MLXIP: variants seen among roughly 807,000 people sequenced by gnomAD.
MLXIP encodes MLX-interacting protein.
Under a neutral mutation model 87.2 loss-of-function variants are expected in MLXIP, and 30 were observed. The ratio of observed to expected loss-of-function variants is 0.34; its 90% CI spans 0.26 to 0.47. The LOEUF is 0.47. MLXIP is among the 20% of genes least tolerant of loss of function. The pLI, the probability that MLXIP is intolerant of heterozygous loss-of-function variation, is 1.00. For missense variants in MLXIP, 1,002 were observed against 1,240.1 expected, an observed-to-expected ratio of 0.81 and a Z score of 2.88; for synonymous variants, 530 against 514.0, an observed-to-expected ratio of 1.03 and a Z score of -0.42.
chr12:122,138,683 A>T (rs930120497), intron 14 of MLXIP, 132 bp downstream of exon 14: 1 of 1,490,200 alleles, frequency 6.7e-7, no homozygotes, highest in Non-Finnish European at 8.9e-7. Flanking sequence ...CTCTTTGTCA[A>T]CCTCCTTCCA....
chr12:122,105,329 T>A (rs991435960), intron 1 of MLXIP, among the ~76,000 whole-genome samples: 1 of 152,062 alleles, frequency 6.6e-6, no homozygotes, highest in African/African-American at 2.4e-5. Flanking sequence ...GATTTTTTTT[T>A]TATTTAGAAG....
intron 1 of MLXIP, among the ~76,000 whole-genome samples, chr12:122,091,778 G>A (rs907885436): frequency 8.5e-5 from 13 of 152,202 alleles, no homozygotes; most frequent in African/African-American, 2.2e-4. Context: ...GAGTAGTGGA[G>A]ACTGTGGTGG....
At chr12:122,110,967 C>T (rs1219541017) in intron 1 of MLXIP, among the ~76,000 whole-genome samples, 2 of 151,030 alleles carry the variant, frequency 1.3e-5, no homozygotes, top group African/African-American at 4.9e-5. Context: ...GTCCCAGCTA[C>T]TCAGGAGGCT....
intron 1 of MLXIP, among the ~76,000 whole-genome samples, chr12:122,085,085 A>C (rs1459490337): frequency 6.6e-6 from 1 of 152,086 alleles, no homozygotes; most frequent in Non-Finnish European, 1.5e-5. Context: ...TGCAAATGCC[A>C]GTTCCTCTCC....
chr12:122,123,878 C>G (rs1048807240), intron 1 of MLXIP, among the ~76,000 whole-genome samples: 1 of 152,120 alleles, frequency 6.6e-6, no homozygotes, highest in Non-Finnish European at 1.5e-5. Flanking sequence ...ACATTGAGGG[C>G]TTTTCACTGC....
rs567546973 is a variant in MLXIP, at chr12:122,127,384, C to T, written c.520+22C>T. The T allele has an allele frequency of 1.8e-5, 28 of 1,562,090 alleles. 1 individual carries two copies. Among genetic ancestry groups the T allele is most frequent in the South Asian group, 1.4e-4 (12 of 86,156 alleles). On this transcript the variant is annotated intron_variant, in intron 2 of 16. Coordinates refer to ENST00000319080, the MANE Select transcript of MLXIP (RefSeq NM_014938.6). ...CAGTGTAAGTGCCGCCCAGCCTGGG[C>T]GCCGGTGGTGGTCAGAACTTCACGG...
Position 122,133,849 on chromosome 12 carries a change from C to G in MLXIP, c.1594C>G (p.Pro532Ala). The G allele has an allele frequency of 1.2e-6, 2 of 1,612,930 alleles. No individual in the cohort carries two copies. Among genetic ancestry groups the G allele is most frequent in the Non-Finnish European group, 1.7e-6 (2 of 1,179,564 alleles). The change falls in exon 9 of 17, where the codon CCC (proline) becomes GCC (alanine). Residue 532 changes from proline (P) to alanine (A), a missense_variant. Physicochemically the swap from Pro to Ala is conservative, Grantham distance 27. Around this residue, in one of 3 missense-constraint regions of MLXIP, gnomAD observed 746 missense variants for 897.0 expected, o/e 0.83. Transcript: ENST00000319080. This position sits in a 1 kb window ranked among gnomAD's most constrained non-coding sequence, Gnocchi z 4.9. ...GLALSPVTRP[P>A]QPRLTFVHPK... ...GGCACTGTCTCCTGTCACCCGGCCT[C>G]CCCAGCCACGGTTAACTTTTGTGCA...
Position 122,135,315 on chromosome 12 carries a change from C to A in MLXIP, c.1824C>A (p.Asn608Lys), listed in dbSNP as rs761856229. 1 of 1,613,690 alleles carries A rather than the reference C, an allele frequency of 6.2e-7. No individual in the cohort carries two copies. Among genetic ancestry groups the A allele is most frequent in the Non-Finnish European group, 8.5e-7 (1 of 1,179,856 alleles). Residue 608 changes from asparagine (N) to lysine (K), a missense_variant, in exon 10 of 17, where the codon AAC becomes AAA. Physicochemically the swap from Asn to Lys is moderately conservative, Grantham distance 94. This residue lies in a region of MLXIP where 746 missense variants were observed against 897.0 expected (regional missense o/e 0.83). Coordinates refer to ENST00000319080, the MANE Select transcript of MLXIP (RefSeq NM_014938.6). This position sits in a 1 kb window ranked among gnomAD's most constrained non-coding sequence, Gnocchi z 5.3. ...GMLASTVSQS[N>K]VVIAPAAIAR... is the part of the protein sequence containing the mutation. ...TGGCCTCCACCGTGTCCCAGTCCAA[C>A]GTGGTCATTGCGCCTGCTGCCATCG...
intron 1 of MLXIP, among the ~76,000 whole-genome samples, chr12:122,102,112 A>C (rs1040087017): frequency 6.6e-6 from 1 of 152,224 alleles, no homozygotes; most frequent in South Asian, 2.1e-4. Context: ...TCTGATATAC[A>C]TTGCAAGAGT....
intron 1 of MLXIP, among the ~76,000 whole-genome samples, chr12:122,114,758 T>TTG (rs558128728): frequency 0.5 from 66,815 of 134,948 alleles, 17,033 homozygotes; most frequent in African/African-American, 0.6. Context: ...TTTTTTTTGG[T>TTG]GGGGGGGGAC....
rs144370029 is a variant in MLXIP at position 122,100,944 on chromosome 12, C to T, written c.413+21678C>T. On this transcript the variant is annotated intron_variant, in intron 1 of 16. Coordinates refer to ENST00000319080, the MANE Select transcript of MLXIP (RefSeq NM_014938.6). ...TTAGCCAGTTATTAGCCAGTTACATCAGTGAATGTTGTTCACCAGATTAAC... is the reference window on the plus strand; with the variant it reads ...TTAGCCAGTTATTAGCCAGTTACATTAGTGAATGTTGTTCACCAGATTAAC... Among the ~76,000 whole-genome samples the T allele has an allele frequency of 4.6e-5, 7 of 152,332 alleles. No homozygotes were observed. In the East Asian group the frequency reaches 1.3e-3, roughly 29 times the overall value.
At chr12:122,127,682 T>C (rs1018358158) in intron 2 of MLXIP, among the ~76,000 whole-genome samples, 2 of 152,236 alleles carry the variant, frequency 1.3e-5, no homozygotes, top group African/African-American at 4.8e-5. Flanking sequence ...ACTGCCTCTC[T>C]GACTGAGGCG....
chr12:122,104,804 TCTC>T (rs1332890121), intron 1 of MLXIP, among the ~76,000 whole-genome samples: 1 of 151,998 alleles, frequency 6.6e-6, no homozygotes, highest in African/African-American at 2.4e-5. Context: ...ATGGTCTTGA[TCTC>T]CTGACCTTGT....
chr12:122,090,971 A>G (rs1952237725), intron 1 of MLXIP, among the ~76,000 whole-genome samples: 1 of 152,118 alleles, frequency 6.6e-6, no homozygotes, highest in Admixed American at 6.5e-5. Context: ...GGGAAAATGG[A>G]TAGTCACTGC....
chr12:122,113,488 G>A (rs1203919093), intron 1 of MLXIP, among the ~76,000 whole-genome samples: 1 of 151,708 alleles, frequency 6.6e-6, no homozygotes, highest in Non-Finnish European at 1.5e-5. Context: ...GGCTGGTCTC[G>A]CTCTTCTGGG....
intron 1 of MLXIP, among the ~76,000 whole-genome samples, chr12:122,122,860 C>CTTTTTCT (rs1952806635): frequency 7.0e-6 from 1 of 142,392 alleles, no homozygotes; most frequent in Admixed American, 7.0e-5. Flanking sequence ...TTTTCTTTTT[C>CTTTTTCT]TTTTTTTTTT....
Position 122,141,833 on chromosome 12 carries a change from C to T in MLXIP, c.*21C>T, listed in dbSNP as rs371829134. Reference sequence around the variant, plus strand: ...CCTAGCTGCTTAGCTGGCATGTGGCCGCATGAGATGCCAGGAGACCCTTCC... The same window carrying T: ...CCTAGCTGCTTAGCTGGCATGTGGCTGCATGAGATGCCAGGAGACCCTTCC... On this transcript the variant is annotated 3_prime_UTR_variant, in exon 17 of 17. Transcript: ENST00000319080. The T allele has an allele frequency of 3.0e-5, 48 of 1,612,152 alleles. No homozygotes were observed. Among genetic ancestry groups the T allele is most frequent in the Middle Eastern group, 1.8e-4 (1 of 5,448 alleles).
chr12:122,097,561 T>C (rs1952372974), intron 1 of MLXIP, among the ~76,000 whole-genome samples: 1 of 151,008 alleles, frequency 6.6e-6, no homozygotes, highest in Non-Finnish European at 1.5e-5. Context: ...TGGAGGCTGC[T>C]GAACTATGAT....
At chr12:122,129,832 A>T in intron 5 of MLXIP, 109 bp from the exon 6 acceptor site, 1 of 1,413,758 alleles carries the variant, frequency 7.1e-7, no homozygotes, top group Non-Finnish European at 9.6e-7. Flanking sequence ...CTGCTGCCTC[A>T]CTTCCACTGA....
Sources: gnomAD v4.1 joint callset for allele counts (sites outside exome capture counted in the v4.1 genomes callset) on GRCh38, gnomAD v4.1.1 for gene constraint, gnomAD v4.1.1 regional missense constraint, Gnocchi (gnomAD v3.1) non-coding constraint, MANE v1.5 for transcripts, NCBI Gene and HGNC (gene_info 2026-07-23, HGNC 2026-07-21) for gene names.